Variants in NRXN1 observed in about 807,000 individuals in gnomAD.
NRXN1 encodes neurexin-1.
NRXN1 carries 39 observed loss-of-function variants against 150.9 expected under a neutral mutation model. That is an observed-to-expected ratio of 0.26 (90% CI 0.20 to 0.34). NRXN1 has a LOEUF of 0.34. Ranked by LOEUF, NRXN1 falls within the 10% of genes least tolerant of loss-of-function variation. NRXN1 has a pLI of 1.00. For missense variants in NRXN1, 1,815 were observed against 1,949.9 expected (o/e 0.93, Z 1.30); for synonymous variants, 924 against 757.0 (o/e 1.22, Z -3.62).
At chr2:50,255,324 G>C (rs2067591184) in intron 17 of NRXN1, among the ~76,000 whole-genome samples, 2 of 152,160 alleles carry the variant, frequency 1.3e-5, no homozygotes, top group Non-Finnish European at 1.5e-5. Flanking sequence ...TCTCTATGGA[G>C]AATTTTACAT....
At position 50,425,618 on chromosome 2, in the gene NRXN1, T is replaced by C. The variant is rs140794906; in HGVS notation, c.3364+39824A>G. Among the ~76,000 whole-genome samples the C allele has an allele frequency of 1.2e-4, 18 of 152,334 alleles. No individual in the cohort carries two copies. In the East Asian group the frequency reaches 3.5e-3, roughly 29 times the overall value. On this transcript the variant is annotated intron_variant, in intron 17 of 22. Transcript: ENST00000401669. Reference sequence around the variant, plus strand: ...TTGTAAATTAAGATCAAGTATATAATGTTGAACCCTAAATGCTTTCTATTC... The same window carrying C: ...TTGTAAATTAAGATCAAGTATATAACGTTGAACCCTAAATGCTTTCTATTC...
intron 21 of NRXN1, among the ~76,000 whole-genome samples, chr2:50,027,073 G>A (rs1187697651): frequency 5.3e-5 from 8 of 150,960 alleles, no homozygotes; most frequent in African/African-American, 1.5e-4. Context: ...TAGTAGAGAC[G>A]GGGTTTCACC....
At chr2:50,771,654 C>A (rs1489646216) in intron 5 of NRXN1, among the ~76,000 whole-genome samples, 1 of 151,956 alleles carries the variant, frequency 6.6e-6, no homozygotes, top group Non-Finnish European at 1.5e-5. Context: ...GGTAAGAATA[C>A]CAGTTTTGGC....
chr2:50,627,040 C>A (rs1471898594), intron 5 of NRXN1, among the ~76,000 whole-genome samples: 2 of 151,770 alleles, frequency 1.3e-5, no homozygotes, highest in African/African-American at 2.4e-5. Context: ...CATTCAGATA[C>A]CATTTCATAG....
chr2:50,162,083 A>G (rs1242237234), intron 18 of NRXN1, among the ~76,000 whole-genome samples: 1 of 152,176 alleles, frequency 6.6e-6, no homozygotes, highest in African/African-American at 2.4e-5. Flanking sequence ...AAAGAGATCA[A>G]CTTTTTTACA....
At chr2:50,339,307 T>C (rs1308153971) in intron 17 of NRXN1, among the ~76,000 whole-genome samples, 1 of 152,034 alleles carries the variant, frequency 6.6e-6, no homozygotes, top group Non-Finnish European at 1.5e-5. Flanking sequence ...TCACCAAATA[T>C]ATACAGGAAC....
At chr2:50,861,548 A>T (rs2106033285) in intron 5 of NRXN1, among the ~76,000 whole-genome samples, 1 of 152,190 alleles carries the variant, frequency 6.6e-6, no homozygotes, top group South Asian at 2.1e-4. Context: ...TTGAGATCAG[A>T]TTTTAAGAGG....
intron 8 of NRXN1, among the ~76,000 whole-genome samples, chr2:50,610,763 TA>T (rs1677977434): frequency 7.0e-6 from 1 of 142,602 alleles, no homozygotes; most frequent in Non-Finnish European, 1.5e-5. Flanking sequence ...TTTATATATA[TA>T]TATATATGTA....
chr2:50,684,037 T>C (rs1183616172), intron 5 of NRXN1, among the ~76,000 whole-genome samples: 1 of 152,060 alleles, frequency 6.6e-6, no homozygotes, highest in Non-Finnish European at 1.5e-5. Context: ...CAATTTTCTG[T>C]TCTTTTAGTT....
At chr2:49,989,419 T>G (rs1558644814) in intron 21 of NRXN1, among the ~76,000 whole-genome samples, 1 of 152,214 alleles carries the variant, frequency 6.6e-6, no homozygotes, top group African/African-American at 2.4e-5. Context: ...TGAATTCATC[T>G]TCTATTTGAA....
At chr2:50,253,564 T>C (rs2067377477) in intron 17 of NRXN1, among the ~76,000 whole-genome samples, 1 of 152,196 alleles carries the variant, frequency 6.6e-6, no homozygotes, top group Admixed American at 6.6e-5. Flanking sequence ...TAAATGGCTC[T>C]TATGATTTTG....
At chr2:50,647,294 G>T (rs1684966405) in intron 5 of NRXN1, among the ~76,000 whole-genome samples, 1 of 151,802 alleles carries the variant, frequency 6.6e-6, no homozygotes, top group Non-Finnish European at 1.5e-5. Context: ...GTACTCAGGA[G>T]ACAGATATAA....
intron 17 of NRXN1, among the ~76,000 whole-genome samples, chr2:50,416,118 G>C (rs1572890272): frequency 6.6e-6 from 1 of 152,030 alleles, no homozygotes; most frequent in Non-Finnish European, 1.5e-5. Context: ...TACTTCAGTG[G>C]AGACAGATGG....
chr2:50,616,885 T>A (rs1461565707), intron 8 of NRXN1, among the ~76,000 whole-genome samples: 1 of 152,206 alleles, frequency 6.6e-6, no homozygotes, highest in Non-Finnish European at 1.5e-5. Context: ...ACATGCAGTG[T>A]GCTATCGACC....
chr2:50,793,535 G>C (rs551839260), intron 5 of NRXN1, among the ~76,000 whole-genome samples: 27 of 152,122 alleles, frequency 1.8e-4, no homozygotes, highest in African/African-American at 6.5e-4. Flanking sequence ...ATAATGCCTA[G>C]TTTATCCCTT....
chr2:50,128,105 C>T (rs1306061985), intron 18 of NRXN1, among the ~76,000 whole-genome samples: 1 of 152,118 alleles, frequency 6.6e-6, no homozygotes, highest in Non-Finnish European at 1.5e-5. Flanking sequence ...ACGATAGCTA[C>T]CAGGTTGAGC....
chr2:50,275,822 G>A (rs768578763), intron 17 of NRXN1, among the ~76,000 whole-genome samples: 1 of 151,988 alleles, frequency 6.6e-6, no homozygotes, highest in Admixed American at 6.6e-5. Flanking sequence ...TTTTTGGCAC[G>A]TAGTTATCAA....
intron 21 of NRXN1, among the ~76,000 whole-genome samples, chr2:49,957,413 C>T (rs1486000765): frequency 6.6e-6 from 1 of 152,024 alleles, no homozygotes; most frequent in African/African-American, 2.4e-5. Context: ...GACATTTTCA[C>T]ATTATTCTCA....
At chr2:50,781,909 C>T (rs898431857) in intron 5 of NRXN1, among the ~76,000 whole-genome samples, 11 of 152,168 alleles carry the variant, frequency 7.2e-5, no homozygotes, top group Admixed American at 7.2e-4. Context: ...ACTCCATCCT[C>T]ACAGAACTAG....
Sources: allele counts gnomAD v4.1 joint callset (sites outside exome capture counted in the v4.1 genomes callset), GRCh38; gene constraint gnomAD v4.1.1; transcripts MANE v1.5; gene names NCBI Gene and HGNC (gene_info 2026-07-23, HGNC 2026-07-21).